The following ATXN10 variants were observed in gnomAD, a reference collection of about 807,000 sequenced individuals.
ATXN10 encodes the protein ataxin-10.
In ATXN10, 28 loss-of-function variants were observed where a neutral mutation model predicts 52.9. The observed-to-expected ratio is 0.53, with a 90% confidence interval of 0.39 to 0.73. ATXN10 has a LOEUF of 0.73. ATXN10 is among the 30% of genes least tolerant of loss of function. ATXN10 has a pLI of 0.00. For synonymous variants in ATXN10, 226 were observed against 221.5 expected, an observed-to-expected ratio of 1.02 and a Z score of -0.18; for missense variants, 565 against 577.0, an observed-to-expected ratio of 0.98 and a Z score of 0.21.
intron 3 of ATXN10, among the ~76,000 whole-genome samples, chr22:45,695,067 A>G (rs1457536674): frequency 1.3e-5 from 2 of 151,748 alleles, no homozygotes; most frequent in African/African-American, 2.4e-5. Context: ...GCAGTGGCTC[A>G]CGCCTGTAAT....
At chr22:45,782,671 T>C (rs898015255) in intron 9 of ATXN10, among the ~76,000 whole-genome samples, 2 of 152,196 alleles carry the variant, frequency 1.3e-5, no homozygotes, top group Non-Finnish European at 2.9e-5. Context: ...TCTTTACCAC[T>C]ATATGAGTGG....
chr22:45,680,588 A>G (rs939712083), intron 1 of ATXN10, among the ~76,000 whole-genome samples: 12 of 151,628 alleles, frequency 7.9e-5, no homozygotes, highest in Non-Finnish European at 1.6e-4. Context: ...GCTGGAGTGC[A>G]GTGGTGCCAT....
Position 45,672,083 on chromosome 22 carries a change from C to A in ATXN10, c.20C>A (p.Pro7Gln). MAAPRPPPARLSGVMVP... is the reference protein window; with the variant it reads MAAPRPQPARLSGVMVP... ...GGCAAGATGGCGGCGCCCAGGCCGCCGCCTGCCAGGCTGTCGGGCGTCATG... is the reference window on the plus strand; with the variant it reads ...GGCAAGATGGCGGCGCCCAGGCCGCAGCCTGCCAGGCTGTCGGGCGTCATG... Residue 7 changes from proline to glutamine, a missense_variant, in exon 1 of 12, where the codon CCG becomes CAG. Coordinates refer to ENST00000252934, the MANE Select transcript of ATXN10 (RefSeq NM_013236.4). 2.6e-6 allele frequency: 4 copies of A among 1,537,916 alleles called. No homozygotes were observed. Among genetic ancestry groups the A allele is most frequent in the Non-Finnish European group, 3.5e-6 (4 of 1,145,238 alleles).
chr22:45,749,275 T>G (rs1402839934), intron 9 of ATXN10, among the ~76,000 whole-genome samples: 4 of 152,190 alleles, frequency 2.6e-5, no homozygotes, highest in African/African-American at 9.7e-5. Flanking sequence ...TGACTTTGCT[T>G]GCTTTACTGG....
At chr22:45,798,069 A>C (rs946696079) in intron 9 of ATXN10, among the ~76,000 whole-genome samples, 1 of 152,248 alleles carries the variant, frequency 6.6e-6, no homozygotes, top group African/African-American at 2.4e-5. Context: ...AGGCACACAT[A>C]GTTTCAGCAG....
At position 45,844,527 on chromosome 22, in the gene ATXN10, G is replaced by T. The variant is rs919003268; in HGVS notation, c.*856G>T. The T allele has an allele frequency of 1.1e-4, 17 of 152,160 alleles. No individual in the cohort carries two copies. The highest frequency in any genetic ancestry group is 4.1e-4 in the African/African-American group (17 of 41,424). The allele number at this position is 152,160 out of a possible 1,614,324, so 9.4% of individuals were successfully genotyped here. A position where few individuals can be genotyped will look rare whatever the true frequency, so the allele number is the denominator to read the frequency against. ...TTTTAGCCATGTCTTCACTGAAATT[G>T]CAAAAGTACTTTTAGGGAGCAGGAG... On this transcript the variant is annotated 3_prime_UTR_variant, in exon 12 of 12. Coordinates refer to ENST00000252934, the MANE Select transcript of ATXN10 (RefSeq NM_013236.4).
chr22:45,748,645 A>G (rs561057004), intron 9 of ATXN10, among the ~76,000 whole-genome samples: 1 of 152,244 alleles, frequency 6.6e-6, no homozygotes, highest in East Asian at 1.9e-4. Context: ...CCTCAATTGG[A>G]TTGTGCGTTT....
chr22:45,754,388 A>G lies in ATXN10; in HGVS notation c.1173+13850A>G, dbSNP rs900841726. ...CATTTATTGTGAGGATTAAATTACT[A>G]TTGATGACAGCAGTCACAGTGACCT... is the stretch of plus-strand genomic sequence containing the variant. On this transcript the variant is annotated intron_variant, in intron 9 of 11. Transcript: ENST00000252934. The surrounding 1 kb of genome is among the most constrained non-coding windows in gnomAD (Gnocchi z 5.4). Among the ~76,000 whole-genome samples the G allele has an allele frequency of 1.3e-5, 2 of 152,204 alleles. No homozygotes were observed. Among genetic ancestry groups the G allele is most frequent in the African/African-American group, 4.8e-5 (2 of 41,452 alleles).
chr22:45,695,174 A>T (rs937357295), intron 3 of ATXN10, among the ~76,000 whole-genome samples: 2 of 151,300 alleles, frequency 1.3e-5, no homozygotes, highest in Non-Finnish European at 2.9e-5. Flanking sequence ...AATACAAAAA[A>T]TTAGCCGGGC....
At position 45,696,097 on chromosome 22, in the gene ATXN10, T is replaced by A. The variant is rs1162513777; in HGVS notation, c.391+3019T>A. Among the ~76,000 whole-genome samples, 1 of 152,224 alleles carries A rather than the reference T, an allele frequency of 6.6e-6. No homozygotes were observed. The highest frequency in any genetic ancestry group is 1.5e-5 in the Non-Finnish European group (1 of 68,040). ...CCATGTTTTTTTGAGCATCAGTTTT[T>A]AAAATAATCTCAAGAAATTGAAAGG... is the stretch of plus-strand genomic sequence containing the variant. On this transcript the variant is annotated intron_variant, in intron 3 of 11. Transcript: ENST00000252934. The surrounding 1 kb of genome is among the most constrained non-coding windows in gnomAD (Gnocchi z 4.7).
chr22:45,795,179 T>C lies in ATXN10; in HGVS notation c.1174-11780T>C, dbSNP rs1365393362. On this transcript the variant is annotated intron_variant, in intron 9 of 11. Transcript: ENST00000252934. The surrounding 1 kb of genome is among the most constrained non-coding windows in gnomAD (Gnocchi z 4.6). ...GAGAGAGACAGTTAACAAGCCAGTA[T>C]TGGAGAAATAAGTGGAATATTTAAA... 6.6e-6 allele frequency among the ~76,000 whole-genome samples: 1 copy of C among 152,136 alleles called. No homozygotes were observed. The highest frequency in any genetic ancestry group is 2.4e-5 in the African/African-American group (1 of 41,420).
intron 10 of ATXN10, 88 bp downstream of exon 10, chr22:45,807,110 T>C: frequency 9.5e-7 from 1 of 1,052,906 alleles, no homozygotes; most frequent in Non-Finnish European, 1.5e-6. Flanking sequence ...ATTCAGTATG[T>C]AGCTGGCTGC....
At chr22:45,788,455 G>T (rs973009112) in intron 9 of ATXN10, among the ~76,000 whole-genome samples, 2 of 150,860 alleles carry the variant, frequency 1.3e-5, no homozygotes, top group East Asian at 1.9e-4. Context: ...CATGTATCTC[G>T]TATCCACCTG....
In ATXN10 at chr22:45,842,121, C is replaced by CT. The variant is rs1929363217; in HGVS notation, c.1238-869dup. Among the ~76,000 whole-genome samples, 1 of 152,206 alleles carries CT rather than the reference C, an allele frequency of 6.6e-6. No homozygotes were observed. The highest frequency in any genetic ancestry group is 1.5e-5 in the Non-Finnish European group (1 of 68,042). On this transcript the variant is annotated intron_variant, in intron 10 of 11. Coordinates refer to ENST00000252934, the MANE Select transcript of ATXN10 (RefSeq NM_013236.4). This position sits in a 1 kb window ranked among gnomAD's most constrained non-coding sequence, Gnocchi z 4.8. ...GCCAGGCCCAGTAGGGACACAGCCT[C>CT]TCTTGGCAGTCTCTTACATATGTCC...
At position 45,708,904 on chromosome 22, in the gene ATXN10, G is replaced by T. The variant is rs909685554; in HGVS notation, c.647+6057G>T. 6.6e-6 allele frequency among the ~76,000 whole-genome samples: 1 copy of T among 152,186 alleles called. No homozygotes were observed. The highest frequency in any genetic ancestry group is 1.5e-5 in the Non-Finnish European group (1 of 68,030). ...GATCTCCCCGCCTGTCTCCCAAAGTGCTGGGATTACAGGCATGAGCCACCG... is the reference window on the plus strand; with the variant it reads ...GATCTCCCCGCCTGTCTCCCAAAGTTCTGGGATTACAGGCATGAGCCACCG... On this transcript the variant is annotated intron_variant, in intron 5 of 11. Coordinates refer to ENST00000252934, the MANE Select transcript of ATXN10 (RefSeq NM_013236.4). This position sits in a 1 kb window ranked among gnomAD's most constrained non-coding sequence, Gnocchi z 5.3.
intron 9 of ATXN10, among the ~76,000 whole-genome samples, chr22:45,747,446 G>C (rs1925774978): frequency 6.6e-6 from 1 of 150,608 alleles, no homozygotes; most frequent in Admixed American, 6.6e-5. Context: ...CGAGGCTGCA[G>C]TGCACCGTGA....
chr22:45,803,304 T>G (rs1450450678), intron 9 of ATXN10, among the ~76,000 whole-genome samples: 1 of 152,168 alleles, frequency 6.6e-6, no homozygotes, highest in Non-Finnish European at 1.5e-5. Context: ...TTCCATGAGC[T>G]TCATGTTTCA....
chr22:45,726,886 C>T (rs915625496), intron 6 of ATXN10, among the ~76,000 whole-genome samples: 5 of 152,062 alleles, frequency 3.3e-5, no homozygotes, highest in Non-Finnish European at 7.4e-5. Flanking sequence ...TTCACCGTGT[C>T]GCCCGGGCTG....
chr22:45,765,032 A>G (rs1926533088), intron 9 of ATXN10, among the ~76,000 whole-genome samples: 1 of 152,206 alleles, frequency 6.6e-6, no homozygotes, highest in Non-Finnish European at 1.5e-5. Context: ...TAAACTTTCC[A>G]TTTTATAAAT....
Sources: gnomAD v4.1 joint callset for allele counts (sites outside exome capture counted in the v4.1 genomes callset) on GRCh38, gnomAD v4.1.1 for gene constraint, Gnocchi (gnomAD v3.1) non-coding constraint, MANE v1.5 for transcripts, NCBI Gene and HGNC (gene_info 2026-07-23, HGNC 2026-07-21) for gene names.